The following INSC variants were observed in gnomAD, a reference collection of about 807,000 sequenced individuals.
The protein encoded by INSC is INSC spindle orientation adaptor protein.
In INSC, 67 loss-of-function variants were observed where a neutral mutation model predicts 58.6. The ratio of observed to expected loss-of-function variants is 1.14; its 90% CI spans 0.94 to 1.40. The LOEUF (loss-of-function observed/expected upper bound fraction) is 1.40. INSC is among the 40% of genes most tolerant of loss of function. The pLI is 0.00. For synonymous variants in INSC, 262 were observed against 276.1 expected (o/e 0.95, Z 0.51); for missense variants, 714 against 692.0 (o/e 1.03, Z -0.36).
intron 5 of INSC, among the ~76,000 whole-genome samples, chr11:15,186,576 T>C (rs1849976991): frequency 1.3e-5 from 2 of 152,222 alleles, no homozygotes; most frequent in African/African-American, 2.4e-5. Flanking sequence ...ACATTTATGT[T>C]CCTAAATTGG....
At position 15,190,899 on chromosome 11, in the gene INSC, G is replaced by C. The variant is rs1186176237; in HGVS notation, c.693+85G>C. 3 of 910,398 alleles carry C rather than the reference G, an allele frequency of 3.3e-6. No individual in the cohort carries two copies. In the African/African-American group the frequency reaches 4.9e-5, roughly 15 times the overall value. The allele number at this position is 910,398 out of a possible 1,614,324, so 56.4% of individuals were successfully genotyped here. A position where few individuals can be genotyped will look rare whatever the true frequency, so the allele number is the denominator to read the frequency against. On this transcript the variant is annotated intron_variant, in intron 6 of 12. Transcript: ENST00000379556. Reference sequence around the variant, plus strand: ...TGTTCAATGGGAATAGCTGGCTCACGAGGTCTGTCTTGGCCCCTGCATTAG... The same window carrying C: ...TGTTCAATGGGAATAGCTGGCTCACCAGGTCTGTCTTGGCCCCTGCATTAG...
chr11:15,235,476 C>T, intron 9 of INSC, 126 bp from the exon 10 acceptor site: 1 of 762,308 alleles, frequency 1.3e-6, no homozygotes, highest in South Asian at 1.4e-5. Flanking sequence ...GAAGGATAGG[C>T]CCGGTGGACA....
At chr11:15,225,930 T>A (rs1851620577) in intron 9 of INSC, 102 bp downstream of exon 9, 3 of 1,190,388 alleles carry the variant, frequency 2.5e-6, no homozygotes. Flanking sequence ...AGCATGGGAG[T>A]CCTGTTAGTT....
chr11:15,152,034 C>T (rs1848670162), intron 2 of INSC, among the ~76,000 whole-genome samples: 2 of 152,226 alleles, frequency 1.3e-5, no homozygotes, highest in African/African-American at 4.8e-5. Flanking sequence ...GGATACTCCA[C>T]ACAGCTATTC....
intron 1 of INSC, among the ~76,000 whole-genome samples, chr11:15,140,298 C>T (rs1371923920): frequency 6.6e-6 from 1 of 152,204 alleles, no homozygotes; most frequent in Non-Finnish European, 1.5e-5. Context: ...ATTAATTTCC[C>T]TGCCCACTCT....
chr11:15,249,385 G>T (rs1256032849), downstream of INSC, among the ~76,000 whole-genome samples: 2 of 152,150 alleles, frequency 1.3e-5, no homozygotes. Flanking sequence ...GAAGATAGGG[G>T]GGTTATAGGT....
At chr11:15,119,426 C>T (rs914978592) in intron 1 of INSC, among the ~76,000 whole-genome samples, 1 of 152,200 alleles carries the variant, frequency 6.6e-6, no homozygotes, top group South Asian at 2.1e-4. Context: ...TCCCCTCCCC[C>T]AGCTCCAGGG....
In INSC at chr11:15,183,656, A is replaced by C. The variant is rs575115912; in HGVS notation, c.579+5209A>C. On this transcript the variant is annotated intron_variant, in intron 5 of 12. Transcript: ENST00000379556. ...AAAATGCAGGCAATTCCTTTCAGCT[A>C]TTTTTCACACTCATCCCTAGGATGT... is the stretch of plus-strand genomic sequence containing the variant. Among the ~76,000 whole-genome samples, 17 of 152,282 alleles carry C rather than the reference A, an allele frequency of 1.1e-4. No homozygotes were observed. In the South Asian group the frequency reaches 3.5e-3, roughly 32 times the overall value.
chr11:15,229,948 T>G (rs1265643067), intron 9 of INSC, among the ~76,000 whole-genome samples: 1 of 24,954 alleles, frequency 4.0e-5, no homozygotes, highest in Non-Finnish European at 7.6e-5. Context: ...ATATATAATA[T>G]TATATATATA....
chr11:15,174,245 G>A (rs568109467), intron 2 of INSC, among the ~76,000 whole-genome samples: 14 of 152,068 alleles, frequency 9.2e-5, no homozygotes, highest in South Asian at 2.1e-4. Flanking sequence ...ATCCTTCGTC[G>A]TGTGCTTCAA....
Position 15,175,855 on chromosome 11 carries a change from T to G in INSC, c.171T>G (p.Asp57Glu). ...CCAAGCCCATCAGCCTGGAAGAGGA[T>G]GCACAGGGTGACCTCATCCTGGCAG... ...LQAKPISLEE[D>E]AQGDLILAGG... The change falls in exon 3 of 13, where the codon GAT becomes GAG. Residue 57 changes from aspartate to glutamate, a missense_variant. By Grantham distance (45) the Asp-to-Glu change is conservative. Transcript: ENST00000379556. 1.9e-6 allele frequency: 3 copies of G among 1,613,920 alleles called. No individual in the cohort carries two copies. The highest frequency in any genetic ancestry group is 2.5e-6 in the Non-Finnish European group (3 of 1,179,802).
chr11:15,194,073 C>A (rs1284068294), intron 6 of INSC, among the ~76,000 whole-genome samples: 1 of 152,174 alleles, frequency 6.6e-6, no homozygotes, highest in African/African-American at 2.4e-5. Context: ...TGGTGGTTTT[C>A]ATTAATTATA....
intron 1 of INSC, among the ~76,000 whole-genome samples, chr11:15,147,590 A>T (rs560088620): frequency 2.1e-4 from 32 of 152,326 alleles, no homozygotes; most frequent in African/African-American, 7.7e-4. Flanking sequence ...TTAAAAATTT[A>T]TCCCTCTTAT....
intron 1 of INSC, among the ~76,000 whole-genome samples, chr11:15,141,544 A>C (rs1848371864): frequency 6.6e-6 from 1 of 152,170 alleles, no homozygotes; most frequent in Non-Finnish European, 1.5e-5. Flanking sequence ...GGCTTCCTCC[A>C]GGGAGCTAGA....
intron 2 of INSC, among the ~76,000 whole-genome samples, chr11:15,160,244 T>C (rs1848970575): frequency 6.6e-6 from 1 of 151,996 alleles, no homozygotes; most frequent in Admixed American, 6.5e-5. Context: ...AGAAGAGAGA[T>C]CAAGGTCAAG....
chr11:15,180,732 C>T (rs1205267215), intron 5 of INSC, among the ~76,000 whole-genome samples: 1 of 147,888 alleles, frequency 6.8e-6, no homozygotes, highest in South Asian at 2.2e-4. Context: ...GTCCTCCATT[C>T]ATCTGCATAT....
intron 1 of INSC, among the ~76,000 whole-genome samples, chr11:15,142,575 G>T (rs965170090): frequency 2.0e-5 from 3 of 152,198 alleles, no homozygotes; most frequent in Non-Finnish European, 4.4e-5. Context: ...CGCTTCGGGG[G>T]AGGGTGACAT....
At chr11:15,205,007 G>A (rs2133892825) in intron 7 of INSC, among the ~76,000 whole-genome samples, 1 of 152,212 alleles carries the variant, frequency 6.6e-6, no homozygotes, top group East Asian at 1.9e-4. Context: ...GACTTTTGTG[G>A]TCATAGATTC....
At chr11:15,179,276 T>C (rs748610894) in intron 5 of INSC, among the ~76,000 whole-genome samples, 4 of 152,256 alleles carry the variant, frequency 2.6e-5, no homozygotes, top group Non-Finnish European at 2.9e-5. Flanking sequence ...TACCCTTTGC[T>C]ATTTTAAAAA....
Sources: allele counts gnomAD v4.1 joint callset (sites outside exome capture counted in the v4.1 genomes callset), GRCh38; gene constraint gnomAD v4.1.1; transcripts MANE v1.5; gene names NCBI Gene and HGNC (gene_info 2026-07-23, HGNC 2026-07-21).